ACTN4: variants seen among roughly 807,000 people sequenced by gnomAD.
ACTN4 encodes alpha-actinin-4.
Under a neutral mutation model 114.2 loss-of-function variants are expected in ACTN4, and 18 were observed. That is an observed-to-expected ratio of 0.16 (90% confidence interval 0.11 to 0.23). The LOEUF (loss-of-function observed/expected upper bound fraction) is 0.23. ACTN4 is among the 10% of genes least tolerant of loss of function. ACTN4 has a pLI of 1.00. For synonymous variants in ACTN4, 515 were observed against 506.3 expected, an observed-to-expected ratio of 1.02 and a Z score of -0.23; for missense variants, 722 against 1,262.9, an observed-to-expected ratio of 0.57 and a Z score of 6.49.
At position 38,727,038 on chromosome 19, in the gene ACTN4, G is replaced by A. The variant is rs1207330928; in HGVS notation, c.2272G>A (p.Asp758Asn). The change falls in exon 18 of 21, where the codon GAC (aspartate) becomes AAC (asparagine). Residue 758 changes from aspartate (D) to asparagine (N), a missense_variant. Around this residue, in one of 3 missense-constraint regions of ACTN4, gnomAD observed 523 missense variants for 875.9 expected, o/e 0.60. Transcript: ENST00000252699. This position sits in a 1 kb window ranked among gnomAD's most constrained non-coding sequence, Gnocchi z 5.4. ...NEVENQILTR[D>N]AKGISQEQMQ... The stretch of plus-strand genomic sequence containing the variant: ...GGTGGAGAACCAGATCCTCACCCGC[G>A]ACGCCAAGGGCATCAGCCAGGAGCA... The A allele has an allele frequency of 6.2e-7, 1 of 1,614,008 alleles. No individual in the cohort carries two copies. The highest frequency in any genetic ancestry group is 8.5e-7 in the Non-Finnish European group (1 of 1,180,040).
At chr19:38,705,056 G>A in intron 4 of ACTN4, 36 bp downstream of exon 4, 1 of 1,581,614 alleles carries the variant, frequency 6.3e-7, no homozygotes, top group Non-Finnish European at 8.7e-7. Flanking sequence ...CTTCCCACCT[G>A]AGTCAGGGCG....
chr19:38,728,410 G>GCCCCTCCTCCTC (rs1969324300), intron 19 of ACTN4: 10 of 772,054 alleles, frequency 1.3e-5, no homozygotes, highest in South Asian at 5.2e-5. Context: ...CCAGCCACCC[G>GCCCCTCCTCCTC]CTCCTCCTCC....
chr19:38,730,727 G>A lies in ACTN4; in HGVS notation c.*1295G>A. ...GTGGTCACCCGGCCGTGAGCAGTGAGGGCCAGAGACTAGCCCCAGACAGGT... is the reference window on the plus strand; with the variant it reads ...GTGGTCACCCGGCCGTGAGCAGTGAAGGCCAGAGACTAGCCCCAGACAGGT... On this transcript the variant is annotated 3_prime_UTR_variant, in exon 21 of 21. Transcript: ENST00000252699. 1.6e-6 allele frequency: 2 copies of A among 1,239,696 alleles called. No individual in the cohort carries two copies. Among genetic ancestry groups the A allele is most frequent in the East Asian group, 2.5e-5 (1 of 39,382 alleles). The allele number at this position is 1,239,696 out of a possible 1,614,324, so 76.8% of individuals were successfully genotyped here.
intron 1 of ACTN4, among the ~76,000 whole-genome samples, chr19:38,690,083 T>G (rs1159800441): frequency 6.6e-6 from 1 of 152,222 alleles, no homozygotes; most frequent in Non-Finnish European, 1.5e-5. Context: ...ATCTATCATC[T>G]GAGAGCACAG....
At chr19:38,714,425 G>A (rs1242807241) in intron 8 of ACTN4, 44 bp from the exon 9 acceptor site, 9 of 1,589,080 alleles carry the variant, frequency 5.7e-6, no homozygotes, top group Admixed American at 1.7e-5. Context: ...CAGGAGGGAG[G>A]GTGGCCAGCC....
rs1457087873 is a variant in ACTN4, at chr19:38,729,625, AC to A, written c.*195del. 3.6e-6 allele frequency: 3 copies of A among 839,148 alleles called. No individual in the cohort carries two copies. The highest frequency in any genetic ancestry group is 5.5e-4 in the Middle Eastern group (2 of 3,644). 52.0% of individuals were successfully genotyped at this position (839,148 alleles called of 1,614,324 possible). On this transcript the variant is annotated 3_prime_UTR_variant, in exon 21 of 21. Transcript: ENST00000252699. ...GTGGGTTGGCCAGGAGGTTCCCCCG[AC>A]CAGGTTGGGGAGACTTGGGGCCAGC...
At chr19:38,689,142 T>G (rs2144949998) in intron 1 of ACTN4, among the ~76,000 whole-genome samples, 1 of 152,276 alleles carries the variant, frequency 6.6e-6, no homozygotes. Context: ...ATATTCACGG[T>G]GGTGCTAATA....
In ACTN4 at chr19:38,727,231, C is replaced by A; in HGVS notation, c.2337+128C>A. ...GAGCGTCGGCCGCCACTCCCAGGGC[C>A]AGCAGGGCCCTGCCACTGTCAGGGT... On this transcript the variant is annotated intron_variant, in intron 18 of 20. Transcript: ENST00000252699. This position sits in a 1 kb window ranked among gnomAD's most constrained non-coding sequence, Gnocchi z 5.4. 1 of 1,419,438 alleles carries A rather than the reference C, an allele frequency of 7.0e-7. No homozygotes were observed. Among genetic ancestry groups the A allele is most frequent in the Non-Finnish European group, 9.7e-7 (1 of 1,030,598 alleles). 87.9% of individuals were successfully genotyped at this position (1,419,438 alleles called of 1,614,324 possible).
At chr19:38,652,998 A>AT (rs1049597033) in intron 1 of ACTN4, among the ~76,000 whole-genome samples, 4 of 151,550 alleles carry the variant, frequency 2.6e-5, no homozygotes, top group African/African-American at 7.3e-5. Flanking sequence ...AGGCAGGAGA[A>AT]TCGCTTGAAC....
chr19:38,648,139 C>T, intron 1 of ACTN4: 1 of 453,718 alleles, frequency 2.2e-6, no homozygotes, highest in East Asian at 3.7e-5. Context: ...ATATGGGAGT[C>T]AAATAAAAGG....
intron 3 of ACTN4, among the ~76,000 whole-genome samples, chr19:38,703,859 G>A (rs1235809982): frequency 6.6e-6 from 1 of 152,098 alleles, no homozygotes; most frequent in Middle Eastern, 3.2e-3. Flanking sequence ...ACAAGCAGAA[G>A]CTTACACGAT....
At chr19:38,712,498 TTTA>T in intron 8 of ACTN4, among the ~76,000 whole-genome samples, 1 of 152,164 alleles carries the variant, frequency 6.6e-6, no homozygotes, top group East Asian at 1.9e-4. Flanking sequence ...GCAGCTGCCA[TTTA>T]GGCAGCTGCC....
In ACTN4 at chr19:38,729,695, A is replaced by G. The variant is rs1190131333; in HGVS notation, c.*263A>G. On this transcript the variant is annotated 3_prime_UTR_variant, in exon 21 of 21. Coordinates refer to ENST00000252699, the MANE Select transcript of ACTN4 (RefSeq NM_004924.6). ...ATGTATGATGTGTTGTGCTTTTTTA[A>G]CCAAGGAGGGGCCAGTGGATTCCCA... The G allele has an allele frequency of 3.0e-6, 2 of 657,690 alleles. No homozygotes were observed. Among genetic ancestry groups the G allele is most frequent in the African/African-American group, 3.5e-5 (2 of 56,340 alleles). The allele number at this position is 657,690 out of a possible 1,614,324, so 40.7% of individuals were successfully genotyped here. A position where few individuals can be genotyped will look rare whatever the true frequency, so the allele number is the denominator to read the frequency against.
chr19:38,717,786 C>A lies in ACTN4; in HGVS notation c.1144-141C>A. 1 of 1,131,592 alleles carries A rather than the reference C, an allele frequency of 8.8e-7. No individual in the cohort carries two copies. Among genetic ancestry groups the A allele is most frequent in the Non-Finnish European group, 1.3e-6 (1 of 780,672 alleles). 70.1% of individuals were successfully genotyped at this position (1,131,592 alleles called of 1,614,324 possible). The stretch of plus-strand genomic sequence containing the variant: ...TGAGTGCTGGGGGGCCCTGTGTAGG[C>A]ATCCAGGTATAATAGCAAAGCATGA... On this transcript the variant is annotated intron_variant, in intron 10 of 20. Transcript: ENST00000252699. The surrounding 1 kb of genome is among the most constrained non-coding windows in gnomAD (Gnocchi z 4.0).
chr19:38,703,324 T>C (rs1037976391), intron 3 of ACTN4, among the ~76,000 whole-genome samples: 1 of 150,554 alleles, frequency 6.6e-6, no homozygotes, highest in African/African-American at 2.4e-5. Flanking sequence ...CTGCAACCTC[T>C]GCCTCCCGGG....
chr19:38,704,904 TC>T (rs1355681003), intron 3 of ACTN4, 29 bp from the exon 4 acceptor site: 1 of 1,605,928 alleles, frequency 6.2e-7, no homozygotes, highest in East Asian at 2.2e-5. Flanking sequence ...TTAACGACCT[TC>T]TGCCCTCTGC....
intron 1 of ACTN4, among the ~76,000 whole-genome samples, chr19:38,698,002 A>G (rs941194232): frequency 2.0e-5 from 3 of 152,184 alleles, no homozygotes; most frequent in Non-Finnish European, 4.4e-5. Context: ...GAGCTCGCAC[A>G]TGGTAGGAGA....
chr19:38,709,822 T>G (rs1354694405), intron 7 of ACTN4, among the ~76,000 whole-genome samples: 1 of 152,172 alleles, frequency 6.6e-6, no homozygotes, highest in Non-Finnish European at 1.5e-5. Flanking sequence ...CGAGCAACCC[T>G]GGCCTCTCCC....
intron 1 of ACTN4, among the ~76,000 whole-genome samples, chr19:38,675,310 C>G (rs2144902053): frequency 6.6e-6 from 1 of 152,338 alleles, no homozygotes; most frequent in East Asian, 1.9e-4. Flanking sequence ...GAGGCAGGGT[C>G]TTGCTCTGTC....
Sources: gnomAD v4.1 joint callset for allele counts (sites outside exome capture counted in the v4.1 genomes callset) on GRCh38, gnomAD v4.1.1 for gene constraint, gnomAD v4.1.1 regional missense constraint, Gnocchi (gnomAD v3.1) non-coding constraint, MANE v1.5 for transcripts, NCBI Gene and HGNC (gene_info 2026-07-23, HGNC 2026-07-21) for gene names.